Variants in MARCHF1 observed in about 807,000 individuals in gnomAD.
MARCHF1 encodes the protein membrane associated ring-CH-type finger 1.
MARCHF1 carries 40 observed loss-of-function variants against 54.2 expected under a neutral mutation model. The observed-to-expected ratio is 0.74, with a 90% CI of 0.57 to 0.96. The LOEUF is 0.96. Ranked by LOEUF, MARCHF1 falls within the 40% of genes least tolerant of loss-of-function variation. MARCHF1 has a pLI of 0.00. For synonymous variants in MARCHF1, 236 were observed against 236.3 expected (o/e 1.00, Z 0.01); for missense variants, 586 against 656.5 (o/e 0.89, Z 1.17).
intron 1 of MARCHF1, among the ~76,000 whole-genome samples, chr4:164,149,583 T>C (rs17044581): frequency 0.18 from 27,034 of 152,110 alleles, 3,644 homozygotes; most frequent in African/African-American, 0.37. Flanking sequence ...TTAAACGTTG[T>C]CTTTGTTTTC....
intron 4 of MARCHF1, among the ~76,000 whole-genome samples, chr4:163,838,599 G>A (rs1749255471): frequency 6.6e-6 from 1 of 151,958 alleles, no homozygotes; most frequent in African/African-American, 2.4e-5. Context: ...AATAATAAAA[G>A]AACAAAATAA....
At chr4:164,267,129 T>C (rs1465093202) in intron 1 of MARCHF1, among the ~76,000 whole-genome samples, 3 of 152,112 alleles carry the variant, frequency 2.0e-5, no homozygotes, top group South Asian at 2.1e-4. Flanking sequence ...AGAAATTGTA[T>C]GGAAGGAAGG....
intron 1 of MARCHF1, among the ~76,000 whole-genome samples, chr4:164,298,244 G>A (rs77021519): frequency 0.032 from 4,804 of 152,136 alleles, 246 homozygotes; most frequent in African/African-American, 0.11. Flanking sequence ...CATAAAAAGA[G>A]TTTTCAAAAC....
At position 163,590,161 on chromosome 4, in the gene MARCHF1, C is replaced by T. The variant is rs572541415; in HGVS notation, c.1011-4232G>A. Reference sequence around the variant, plus strand: ...TGGGTCTTACATATCTTAAAATGGTCTTTAGTGCTCCCTGCCCCCATCCTT... The same window carrying T: ...TGGGTCTTACATATCTTAAAATGGTTTTTAGTGCTCCCTGCCCCCATCCTT... On this transcript the variant is annotated intron_variant, in intron 7 of 9. Coordinates refer to ENST00000514618, the MANE Select transcript of MARCHF1 (RefSeq NM_001394959.1). 2.0e-5 allele frequency among the ~76,000 whole-genome samples: 3 copies of T among 149,726 alleles called. No homozygotes were observed. In the East Asian group the frequency reaches 5.9e-4, roughly 29 times the overall value.
chr4:164,072,133 C>T (rs541732716), intron 2 of MARCHF1, among the ~76,000 whole-genome samples: 9 of 152,232 alleles, frequency 5.9e-5, no homozygotes, highest in Non-Finnish European at 1.2e-4. Context: ...ATGGCTCCTT[C>T]GCCATTTGAT....
intron 2 of MARCHF1, among the ~76,000 whole-genome samples, chr4:164,024,391 T>G (rs554443229): frequency 6.6e-6 from 1 of 152,260 alleles, no homozygotes; most frequent in South Asian, 2.1e-4. Flanking sequence ...AGTAGATCTC[T>G]CAACAGAAAC....
Position 164,283,633 on chromosome 4 carries a change from C to T in MARCHF1, c.-323+100237G>A, listed in dbSNP as rs147616298. On this transcript the variant is annotated intron_variant, in intron 1 of 9. Transcript: ENST00000514618. ...AAAGTCCTGGAAACTCATCAGAATG[C>T]GTGTACTCATTAAAGGCACTGTGGT... Among the ~76,000 whole-genome samples the T allele has an allele frequency of 1.0e-3, 157 of 150,988 alleles. 2 individuals are homozygous for T. The highest frequency in any genetic ancestry group is 3.6e-3 in the African/African-American group (149 of 41,218).
intron 4 of MARCHF1, among the ~76,000 whole-genome samples, chr4:163,716,277 C>A (rs1745254247): frequency 6.6e-6 from 1 of 152,100 alleles, no homozygotes; most frequent in Admixed American, 6.5e-5. Context: ...TGGATTTAGT[C>A]CTAATTTTAA....
chr4:163,696,355 C>G (rs370150315), intron 5 of MARCHF1, among the ~76,000 whole-genome samples: 7 of 152,260 alleles, frequency 4.6e-5, no homozygotes, highest in African/African-American at 1.7e-4. Flanking sequence ...TTATAAGACA[C>G]AGTCCTGAAT....
intron 7 of MARCHF1, among the ~76,000 whole-genome samples, chr4:163,588,944 A>C (rs539319152): frequency 6.6e-6 from 1 of 152,136 alleles, no homozygotes; most frequent in African/African-American, 2.4e-5. Flanking sequence ...AAAATAAATC[A>C]CTCTAACCTC....
In MARCHF1 at chr4:164,301,359, T is replaced by C. The variant is rs575816852; in HGVS notation, c.-323+82511A>G. On this transcript the variant is annotated intron_variant, in intron 1 of 9. Transcript: ENST00000514618. ...AAAATGAAATGAGGTCCTACCTATT[T>C]GTTTTCTAACCTGGGTTAAAGAAGC... 1.1e-4 allele frequency among the ~76,000 whole-genome samples: 16 copies of C among 152,336 alleles called. No individual in the cohort carries two copies. In the South Asian group the frequency reaches 2.7e-3, roughly 26 times the overall value.
At chr4:164,068,264 C>T (rs1252422141) in intron 2 of MARCHF1, among the ~76,000 whole-genome samples, 19 of 152,168 alleles carry the variant, frequency 1.2e-4, no homozygotes, top group Non-Finnish European at 7.4e-5. Flanking sequence ...TCACTCTCGG[C>T]ACCTCCTCAG....
intron 4 of MARCHF1, among the ~76,000 whole-genome samples, chr4:163,824,929 A>G (rs1284089955): frequency 6.8e-6 from 1 of 147,880 alleles, no homozygotes; most frequent in Non-Finnish European, 1.5e-5. Flanking sequence ...TGCAAATCAA[A>G]ACCACAATGA....
At chr4:164,003,174 C>A (rs987084341) in intron 2 of MARCHF1, among the ~76,000 whole-genome samples, 1 of 151,370 alleles carries the variant, frequency 6.6e-6, no homozygotes, top group Non-Finnish European at 1.5e-5. Context: ...ATTTAAATAA[C>A]GGAAATCACC....
intron 1 of MARCHF1, among the ~76,000 whole-genome samples, chr4:164,348,404 T>C (rs1390366827): frequency 6.6e-6 from 1 of 152,184 alleles, no homozygotes; most frequent in Non-Finnish European, 1.5e-5. Flanking sequence ...TACATGAATG[T>C]TGGAATTTAT....
At chr4:163,973,565 G>A (rs1046586256) in intron 3 of MARCHF1, among the ~76,000 whole-genome samples, 30 of 152,330 alleles carry the variant, frequency 2.0e-4, no homozygotes, top group Non-Finnish European at 3.2e-4. Context: ...CGGAAACGGC[G>A]TTGGAGGGCA....
At chr4:163,765,444 T>C (rs1292693058) in intron 4 of MARCHF1, among the ~76,000 whole-genome samples, 4 of 152,120 alleles carry the variant, frequency 2.6e-5, no homozygotes, top group Non-Finnish European at 4.4e-5. Flanking sequence ...CACCAACCAA[T>C]ACTCTTATCA....
intron 3 of MARCHF1, among the ~76,000 whole-genome samples, chr4:163,892,224 C>T (rs1458894723): frequency 6.6e-6 from 1 of 152,124 alleles, no homozygotes; most frequent in Non-Finnish European, 1.5e-5. Context: ...CCTGTAAATG[C>T]ATAATCTAGT....
chr4:163,714,753 C>T (rs1316599275), intron 4 of MARCHF1, among the ~76,000 whole-genome samples: 1 of 152,086 alleles, frequency 6.6e-6, no homozygotes, highest in African/African-American at 2.4e-5. Flanking sequence ...TCACTGCAGT[C>T]ACCACCTCCA....
Sources: gnomAD v4.1 joint callset for allele counts (sites outside exome capture counted in the v4.1 genomes callset) on GRCh38, gnomAD v4.1.1 for gene constraint, MANE v1.5 for transcripts, NCBI Gene and HGNC (gene_info 2026-07-23, HGNC 2026-07-21) for gene names.